CCDC170: variants seen among roughly 807,000 people sequenced by gnomAD.
The protein encoded by CCDC170 is coiled-coil domain containing 170.
In CCDC170, 69 loss-of-function variants were observed where a neutral mutation model predicts 72.6. That is an observed-to-expected ratio of 0.95 (90% confidence interval 0.78 to 1.16). CCDC170 has a LOEUF of 1.16. CCDC170 is among the 50% of genes most tolerant of loss of function. CCDC170 has a pLI of 0.00. For missense variants in CCDC170, 852 were observed against 832.5 expected (o/e 1.02, Z -0.29); for synonymous variants, 300 against 303.9 (o/e 0.99, Z 0.13).
rs1383356720 is a variant in CCDC170, at chr6:151,548,410, T to C, written c.695T>C (p.Ile232Thr). ...EMEAKASRET[I>T]MRLASEVNRE... Reference sequence around the variant, plus strand: ...GAAGCAAAAGCTAGCAGAGAAACGATCATGAGGCTGGCTTCAGAAGTCAAC... The same window carrying C: ...GAAGCAAAAGCTAGCAGAGAAACGACCATGAGGCTGGCTTCAGAAGTCAAC... Residue 232 changes from isoleucine to threonine, a missense_variant, in exon 5 of 11, where the codon ATC (isoleucine) becomes ACC (threonine). Physicochemically the swap from Ile to Thr is moderately conservative, Grantham distance 89. Transcript: ENST00000239374. 6.2e-7 allele frequency: 1 copy of C among 1,613,054 alleles called. No individual in the cohort carries two copies. The highest frequency in any genetic ancestry group is 1.7e-5 in the Admixed American group (1 of 59,974).
In CCDC170 at chr6:151,521,314, T is replaced by C. The variant is rs1354209829; in HGVS notation, c.58-15004T>C. On this transcript the variant is annotated intron_variant, in intron 1 of 10. Coordinates refer to ENST00000239374, the MANE Select transcript of CCDC170 (RefSeq NM_025059.4). The stretch of plus-strand genomic sequence containing the variant: ...AGTGTTGAGGACACTCTTGTTATCC[T>C]TCTGATAAGTAATGAGAGTTGCTAA... Among the ~76,000 whole-genome samples the C allele has an allele frequency of 3.3e-5, 5 of 152,226 alleles. No individual in the cohort carries two copies. The South Asian group carries it at 1.0e-3, about 31-fold the overall frequency.
chr6:151,527,164 T>C (rs1226210651), intron 1 of CCDC170, among the ~76,000 whole-genome samples: 1 of 150,326 alleles, frequency 6.7e-6, no homozygotes, highest in Non-Finnish European at 1.5e-5. Flanking sequence ...CCCAAAGTGC[T>C]GGGATTACAG....
intron 9 of CCDC170, among the ~76,000 whole-genome samples, chr6:151,597,161 G>C (rs1473831410): frequency 1.3e-5 from 2 of 151,068 alleles, no homozygotes; most frequent in African/African-American, 4.9e-5. Context: ...GTCTCGCTCT[G>C]TTGTCCAGGC....
chr6:151,540,373 C>CCTTTTTT (rs1782668776), intron 3 of CCDC170, among the ~76,000 whole-genome samples: 1 of 37,952 alleles, frequency 2.6e-5, no homozygotes, highest in South Asian at 2.7e-3. Flanking sequence ...TCTGCTGCTG[C>CCTTTTTT]TTTTTTTTTT....
At position 151,619,381 on chromosome 6, in the gene CCDC170, A is replaced by C. The variant is rs1449117410; in HGVS notation, c.*1234A>C. On this transcript the variant is annotated 3_prime_UTR_variant, in exon 11 of 11. Transcript: ENST00000239374. Reference sequence around the variant, plus strand: ...TCCTGTCACTTTCTGTTTTCCATTTAAATTTCTATTTTACAAATTTTTCAG... The same window carrying C: ...TCCTGTCACTTTCTGTTTTCCATTTCAATTTCTATTTTACAAATTTTTCAG... 6.6e-6 allele frequency: 1 copy of C among 152,156 alleles called. No individual in the cohort carries two copies. Among genetic ancestry groups the C allele is most frequent in the Non-Finnish European group, 1.5e-5 (1 of 68,030 alleles). The allele number at this position is 152,156 out of a possible 1,614,324, so 9.4% of individuals were successfully genotyped here. A position where few individuals can be genotyped will look rare whatever the true frequency, so the allele number is the denominator to read the frequency against.
At chr6:151,595,234 T>C (rs1221770168) in intron 8 of CCDC170, among the ~76,000 whole-genome samples, 4 of 152,144 alleles carry the variant, frequency 2.6e-5, no homozygotes, top group African/African-American at 7.2e-5. Flanking sequence ...TAATATTCCA[T>C]CTACTAATTG....
At chr6:151,533,732 G>A (rs1782530271) in intron 1 of CCDC170, among the ~76,000 whole-genome samples, 1 of 150,510 alleles carries the variant, frequency 6.6e-6, no homozygotes, top group Non-Finnish European at 1.5e-5. Flanking sequence ...TTCATCTGAA[G>A]TCATTTTCCT....
At chr6:151,558,294 A>G (rs1376325437) in intron 5 of CCDC170, among the ~76,000 whole-genome samples, 1 of 102,922 alleles carries the variant, frequency 9.7e-6, no homozygotes, top group African/African-American at 3.9e-5. Flanking sequence ...TATTCTGGAT[A>G]TTAGTCCCTT....
intron 3 of CCDC170, among the ~76,000 whole-genome samples, chr6:151,543,434 A>G (rs1469976608): frequency 7.9e-6 from 1 of 126,358 alleles, no homozygotes; most frequent in African/African-American, 5.5e-5. Context: ...CATCTTGAAT[A>G]TTTATCTTTT....
At chr6:151,506,900 A>G (rs952247504) in intron 1 of CCDC170, among the ~76,000 whole-genome samples, 20 of 152,160 alleles carry the variant, frequency 1.3e-4, no homozygotes, top group Admixed American at 1.3e-3. Context: ...TTGAGCTGCA[A>G]TATCAGTTCT....
chr6:151,502,794 G>T (rs568563776), intron 1 of CCDC170, among the ~76,000 whole-genome samples: 1 of 152,298 alleles, frequency 6.6e-6, no homozygotes, highest in South Asian at 2.1e-4. Context: ...TGAAGATAAA[G>T]AACTTTTTTC....
At chr6:151,540,682 C>A (rs1327836337) in intron 3 of CCDC170, among the ~76,000 whole-genome samples, 1 of 151,948 alleles carries the variant, frequency 6.6e-6, no homozygotes, top group Non-Finnish European at 1.5e-5. Flanking sequence ...CCACCACACC[C>A]AGCCAGTGTC....
chr6:151,595,114 C>G (rs935204157), intron 8 of CCDC170, among the ~76,000 whole-genome samples: 2 of 152,178 alleles, frequency 1.3e-5, no homozygotes, highest in African/African-American at 4.8e-5. Context: ...TACCACTTTA[C>G]AAGTGCAGAG....
intron 6 of CCDC170, among the ~76,000 whole-genome samples, chr6:151,577,863 G>T (rs1206343216): frequency 2.0e-5 from 3 of 152,180 alleles, no homozygotes; most frequent in Non-Finnish European, 4.4e-5. Context: ...CATCTTATGA[G>T]AATCTAATCC....
intron 1 of CCDC170, among the ~76,000 whole-genome samples, chr6:151,522,166 A>T (rs2115034285): frequency 6.6e-6 from 1 of 152,200 alleles, no homozygotes; most frequent in East Asian, 1.9e-4. Context: ...ATGTCAAAAA[A>T]AAAAAATTTC....
chr6:151,533,936 G>A (rs1200151868), intron 1 of CCDC170, among the ~76,000 whole-genome samples: 1 of 152,144 alleles, frequency 6.6e-6, no homozygotes, highest in Admixed American at 6.5e-5. Context: ...TTTAGATTCA[G>A]CACCTACCTT....
Position 151,620,479 on chromosome 6 carries a change from T to C in CCDC170, c.*2332T>C, listed in dbSNP as rs1031741765. On this transcript the variant is annotated 3_prime_UTR_variant, in exon 11 of 11. Transcript: ENST00000239374. ...AATTTCCTCTAGGGGAGGCCTGCAG[T>C]TTTCCCCACCAACCCCTTTTCACAT... The C allele has an allele frequency of 3.9e-5, 6 of 152,354 alleles. No homozygotes were observed. Among genetic ancestry groups the C allele is most frequent in the Non-Finnish European group, 8.8e-5 (6 of 68,188 alleles). The allele number at this position is 152,354 out of a possible 1,614,324, so 9.4% of individuals were successfully genotyped here.
chr6:151,616,836 C>T (rs970808779), intron 10 of CCDC170, among the ~76,000 whole-genome samples: 6 of 152,138 alleles, frequency 3.9e-5, no homozygotes, highest in Non-Finnish European at 8.8e-5. Flanking sequence ...AGCAAGGCAG[C>T]TCTCCGGGGC....
At chr6:151,597,822 G>T (rs78947509) in intron 9 of CCDC170, among the ~76,000 whole-genome samples, 1 of 152,202 alleles carries the variant, frequency 6.6e-6, no homozygotes, top group Admixed American at 6.5e-5. Flanking sequence ...TGTGCAAATC[G>T]CAAGTACAGT....
Sources: gnomAD v4.1 joint callset for allele counts (sites outside exome capture counted in the v4.1 genomes callset) on GRCh38, gnomAD v4.1.1 for gene constraint, MANE v1.5 for transcripts, NCBI Gene and HGNC (gene_info 2026-07-23, HGNC 2026-07-21) for gene names.